Variants in RIMS2 observed in about 807,000 individuals in gnomAD.
RIMS2 encodes regulating synaptic membrane exocytosis 2.
RIMS2 carries 59 observed loss-of-function variants against 174.4 expected under a neutral mutation model. The ratio of observed to expected loss-of-function variants is 0.34; its 90% confidence interval spans 0.27 to 0.42. The LOEUF (loss-of-function observed/expected upper bound fraction) is 0.42. Among genes scored for constraint, RIMS2 ranks in the 10% least tolerant of loss-of-function variants. RIMS2 has a pLI of 1.00. For synonymous variants in RIMS2, 606 were observed against 572.5 expected, an observed-to-expected ratio of 1.06 and a Z score of -0.84; for missense variants, 1,620 against 1,666.3, an observed-to-expected ratio of 0.97 and a Z score of 0.48.
intron 1 of RIMS2, among the ~76,000 whole-genome samples, chr8:103,625,231 A>C (rs1210351446): frequency 6.6e-6 from 1 of 152,042 alleles, no homozygotes; most frequent in East Asian, 1.9e-4. Context: ...TGCACAAACA[A>C]AATTGTCCAT....
intron 19 of RIMS2, among the ~76,000 whole-genome samples, chr8:104,052,736 G>A (rs1250529673): frequency 6.6e-6 from 1 of 152,088 alleles, no homozygotes; most frequent in Non-Finnish European, 1.5e-5. Context: ...GGGATGACTA[G>A]GAGACAACTG....
chr8:103,861,149 G>A (rs1319688833), intron 3 of RIMS2, among the ~76,000 whole-genome samples: 1 of 144,822 alleles, frequency 6.9e-6, no homozygotes, highest in Non-Finnish European at 1.5e-5. Context: ...CATTTTTAGG[G>A]TCCCCAGTGT....
In RIMS2 at chr8:104,106,064, A is replaced by AAAG. The variant is rs1440086447; in HGVS notation, c.3334+91450_3334+91451insAGA. On this transcript the variant is annotated intron_variant, in intron 19 of 23. Coordinates refer to ENST00000504942, the Ensembl canonical transcript of RIMS2. ...AAAAAAAAAAAAAAAAAAAAAAAAAAAGAGAAAGAGAAAAGAAATGAAATG... is the reference window on the plus strand; with the variant it reads ...AAAAAAAAAAAAAAAAAAAAAAAAAAAAGAGAGAAAGAGAAAAGAAATGAAATG... Among the ~76,000 whole-genome samples the AAAG allele has an allele frequency of 4.1e-5, 6 of 147,006 alleles. 1 individual carries two copies. The highest frequency in any genetic ancestry group is 1.3e-4 in the African/African-American group (5 of 39,666).
intron 2 of RIMS2, among the ~76,000 whole-genome samples, chr8:103,728,990 A>G (rs2097559947): frequency 6.6e-6 from 1 of 151,822 alleles, no homozygotes; most frequent in Non-Finnish European, 1.5e-5. Context: ...TATTGTGTTG[A>G]GAATTTTTGC....
intron 9 of RIMS2, chr8:103,920,610 GC>G: frequency 2.2e-6 from 1 of 456,186 alleles, no homozygotes; most frequent in Non-Finnish European, 4.4e-6. Context: ...CCACATACCT[GC>G]TTTACATCTC....
chr8:104,122,682 A>C (rs2098392233), intron 19 of RIMS2, among the ~76,000 whole-genome samples: 1 of 152,200 alleles, frequency 6.6e-6, no homozygotes, highest in Non-Finnish European at 1.5e-5. Flanking sequence ...ATTTAGATTC[A>C]TACTTAATCT....
At chr8:103,958,854 A>G (rs1013300831) in intron 14 of RIMS2, among the ~76,000 whole-genome samples, 6 of 152,220 alleles carry the variant, frequency 3.9e-5, no homozygotes, top group Non-Finnish European at 7.3e-5. Context: ...GCCAAAGACC[A>G]CGAAGAGGAG....
chr8:103,791,879 A>AAT (rs756445858), intron 3 of RIMS2, among the ~76,000 whole-genome samples: 2 of 152,116 alleles, frequency 1.3e-5, no homozygotes, highest in African/African-American at 2.4e-5. Flanking sequence ...AACTATCCTA[A>AAT]ATATATATAT....
intron 1 of RIMS2, among the ~76,000 whole-genome samples, chr8:103,585,116 A>T (rs1439849069): frequency 6.6e-6 from 1 of 152,214 alleles, no homozygotes; most frequent in Non-Finnish European, 1.5e-5. Context: ...GAAGACATTT[A>T]TGCGGCCAAC....
intron 1 of RIMS2, among the ~76,000 whole-genome samples, chr8:103,573,568 T>A (rs140077618): frequency 4.8e-4 from 73 of 152,318 alleles, no homozygotes; most frequent in Non-Finnish European, 7.9e-4. Flanking sequence ...TTCTGCTATG[T>A]TGGTCCCTGT....
At chr8:104,096,288 G>C (rs547463887) in intron 19 of RIMS2, among the ~76,000 whole-genome samples, 1 of 152,142 alleles carries the variant, frequency 6.6e-6, no homozygotes, top group Non-Finnish European at 1.5e-5. Flanking sequence ...CAGATCCCAC[G>C]CTGCCATACC....
chr8:104,241,035 T>C (rs1227582868), intron 19 of RIMS2, among the ~76,000 whole-genome samples: 4 of 152,050 alleles, frequency 2.6e-5, no homozygotes, highest in Non-Finnish European at 5.9e-5. Context: ...TTGTAAATGG[T>C]AGAGTGGAGA....
intron 3 of RIMS2, among the ~76,000 whole-genome samples, chr8:103,861,335 T>A (rs2099057911): frequency 6.6e-6 from 1 of 152,190 alleles, no homozygotes; most frequent in African/African-American, 2.4e-5. Flanking sequence ...TTGTATAATA[T>A]TCCATGTTGT....
chr8:104,155,083 G>GT (rs957703216), intron 19 of RIMS2, among the ~76,000 whole-genome samples: 6 of 151,616 alleles, frequency 4.0e-5, no homozygotes, highest in East Asian at 1.9e-4. Flanking sequence ...GGGGGTGTTA[G>GT]TTTTTTTTGT....
chr8:104,087,958 C>G (rs1297949067), intron 19 of RIMS2, among the ~76,000 whole-genome samples: 1 of 152,018 alleles, frequency 6.6e-6, no homozygotes, highest in African/African-American at 2.4e-5. Context: ...ATATTGTTTA[C>G]AAGACTAAAT....
intron 3 of RIMS2, among the ~76,000 whole-genome samples, chr8:103,782,899 G>C (rs1393026521): frequency 1.3e-5 from 2 of 152,108 alleles, no homozygotes; most frequent in African/African-American, 2.4e-5. Context: ...TTGTGGAATG[G>C]ACTGTATGTT....
intron 1 of RIMS2, among the ~76,000 whole-genome samples, chr8:103,664,244 G>A (rs558463916): frequency 2.6e-4 from 39 of 152,152 alleles, no homozygotes; most frequent in Non-Finnish European, 2.6e-4. Context: ...CTAAAACACC[G>A]AAAGCAATGG....
In RIMS2 at chr8:104,221,404, A is replaced by T. The variant is rs1040904629; in HGVS notation, c.3335-23512A>T. ...ATGACTCATTTGTGACCCACAGTTT[A>T]AAAAAAATTAGGTGACTTTTAATAA... On this transcript the variant is annotated intron_variant, in intron 19 of 23. Coordinates refer to ENST00000504942, the Ensembl canonical transcript of RIMS2. Among the ~76,000 whole-genome samples, 6 of 152,112 alleles carry T rather than the reference A, an allele frequency of 3.9e-5. No individual in the cohort carries two copies. The East Asian group carries it at 1.2e-3, about 29-fold the overall frequency.
intron 17 of RIMS2, among the ~76,000 whole-genome samples, chr8:103,994,171 A>G (rs192802739): frequency 1.7e-4 from 26 of 151,856 alleles, no homozygotes; most frequent in Non-Finnish European, 2.9e-4. Flanking sequence ...TCTTTTTTGT[A>G]TGGACTAAAG....
Sources: allele counts gnomAD v4.1 joint callset (sites outside exome capture counted in the v4.1 genomes callset), GRCh38; gene constraint gnomAD v4.1.1; transcripts MANE v1.5; gene names NCBI Gene and HGNC (gene_info 2026-07-23, HGNC 2026-07-21).